Variants in KIAA1217 observed in about 807,000 individuals in gnomAD.
KIAA1217 encodes KIAA1217, also known as sickle tail protein homolog.
A neutral mutation model predicts 163.9 loss-of-function variants in KIAA1217; 88 were observed. The observed-to-expected ratio is 0.54, with a 90% confidence interval of 0.45 to 0.64. The LOEUF (loss-of-function observed/expected upper bound fraction) is 0.64, where lower values mean the gene tolerates loss of function less well. KIAA1217 is among the 30% of genes least tolerant of loss of function. The pLI is 0.00. For missense variants in KIAA1217, 2,372 were observed against 2,475.0 expected, an observed-to-expected ratio of 0.96 and a Z score of 0.88; for synonymous variants, 903 against 923.1, an observed-to-expected ratio of 0.98 and a Z score of 0.39.
intron 9 of KIAA1217, among the ~76,000 whole-genome samples, chr10:24,502,429 A>G (rs2067781161): frequency 6.6e-6 from 1 of 152,130 alleles, no homozygotes; most frequent in Admixed American, 6.5e-5. Flanking sequence ...GTTAAGGAAT[A>G]TATAAACTCT....
At chr10:24,402,193 G>GTT (rs2056601408) in intron 3 of KIAA1217, among the ~76,000 whole-genome samples, 1 of 152,086 alleles carries the variant, frequency 6.6e-6, no homozygotes, top group Non-Finnish European at 1.5e-5. Flanking sequence ...AAACAAGCTT[G>GTT]TTCTAAAATT....
chr10:24,274,698 C>CT (rs1408518714), intron 2 of KIAA1217, among the ~76,000 whole-genome samples: 2 of 151,864 alleles, frequency 1.3e-5, no homozygotes, highest in African/African-American at 2.4e-5. Flanking sequence ...CTTTGGTTAC[C>CT]TTTTTATCAA....
At chr10:24,189,823 CG>C (rs967595165) in intron 2 of KIAA1217, among the ~76,000 whole-genome samples, 2 of 151,912 alleles carry the variant, frequency 1.3e-5, no homozygotes, top group Non-Finnish European at 2.9e-5. Context: ...TGAGACCAGC[CG>C]GGGCAGCCTA....
chr10:23,773,151 A>G (rs1243023366), intron 1 of KIAA1217, among the ~76,000 whole-genome samples: 3 of 152,220 alleles, frequency 2.0e-5, no homozygotes, highest in Non-Finnish European at 4.4e-5. Flanking sequence ...TTCATTAATG[A>G]TTATCTTCAT....
At chr10:24,370,108 A>G (rs1313288462) in intron 2 of KIAA1217, among the ~76,000 whole-genome samples, 2 of 152,002 alleles carry the variant, frequency 1.3e-5, no homozygotes, top group Non-Finnish European at 2.9e-5. Flanking sequence ...TACTACAAAT[A>G]TAAAAACTTA....
chr10:24,349,983 T>C (rs2048258328), intron 2 of KIAA1217, among the ~76,000 whole-genome samples: 1 of 152,182 alleles, frequency 6.6e-6, no homozygotes, highest in Admixed American at 6.5e-5. Context: ...AATAGAATCC[T>C]GGTCCTGGAG....
At chr10:24,071,986 A>G (rs903511574) in intron 2 of KIAA1217, among the ~76,000 whole-genome samples, 2 of 152,140 alleles carry the variant, frequency 1.3e-5, no homozygotes, top group Admixed American at 6.6e-5. Flanking sequence ...TTTATTTTTT[A>G]TGACTGTTAC....
At chr10:24,252,453 A>C (rs1590237689) in intron 2 of KIAA1217, among the ~76,000 whole-genome samples, 1 of 151,934 alleles carries the variant, frequency 6.6e-6, no homozygotes, top group Admixed American at 6.6e-5. Flanking sequence ...GCTGGCACAC[A>C]CCTGTGGTCC....
intron 2 of KIAA1217, among the ~76,000 whole-genome samples, chr10:24,372,502 C>CA (rs1280189133): frequency 2.6e-5 from 4 of 151,808 alleles, no homozygotes; most frequent in Admixed American, 6.6e-5. Flanking sequence ...TTCAGTTTAT[C>CA]AAAAAAAATA....
chr10:24,316,589 C>A (rs141433929), intron 2 of KIAA1217, among the ~76,000 whole-genome samples: 3 of 152,114 alleles, frequency 2.0e-5, no homozygotes, highest in African/African-American at 7.2e-5. Context: ...ACTAGGAACA[C>A]GAAAATGGTT....
chr10:23,929,315 T>A (rs12241701), intron 1 of KIAA1217, among the ~76,000 whole-genome samples: 1 of 152,048 alleles, frequency 6.6e-6, no homozygotes, highest in African/African-American at 2.4e-5. Flanking sequence ...TTTTATTTTA[T>A]TTTTTATTTT....
rs2066836620 is a variant in KIAA1217, at chr10:24,193,730, T to G, written c.-170-25896T>G. On this transcript the variant is annotated intron_variant, in intron 2 of 18. Coordinates refer to the KIAA1217 transcript ENST00000376462. ...TGAGGAAAGTGCTCAGTTCTTAACATTTGACAGTTAGAGCAGATCACAGTA... is the reference window on the plus strand; with the variant it reads ...TGAGGAAAGTGCTCAGTTCTTAACAGTTGACAGTTAGAGCAGATCACAGTA... 2.0e-5 allele frequency among the ~76,000 whole-genome samples: 3 copies of G among 151,940 alleles called. No homozygotes were observed. The South Asian group carries it at 6.2e-4, about 32-fold the overall frequency.
At chr10:24,282,343 G>T (rs2078043815) in intron 2 of KIAA1217, among the ~76,000 whole-genome samples, 1 of 151,794 alleles carries the variant, frequency 6.6e-6, no homozygotes, top group Admixed American at 6.6e-5. Flanking sequence ...TTTCTATGTT[G>T]TCTTCTTTGG....
chr10:23,896,833 G>A (rs867994559), intron 1 of KIAA1217, among the ~76,000 whole-genome samples: 28 of 151,960 alleles, frequency 1.8e-4, no homozygotes, highest in African/African-American at 6.5e-4. Context: ...ACAAAGTTGA[G>A]GCAAGTGAAA....
At chr10:24,141,642 C>T (rs533674686) in intron 2 of KIAA1217, among the ~76,000 whole-genome samples, 2 of 152,086 alleles carry the variant, frequency 1.3e-5, no homozygotes, top group Non-Finnish European at 2.9e-5. Context: ...GGCCACTGGA[C>T]GAAGATCACA....
chr10:23,755,216 C>T (rs11816002), intron 1 of KIAA1217, among the ~76,000 whole-genome samples: 4,028 of 152,228 alleles, frequency 0.026, 178 homozygotes, highest in African/African-American at 0.089. Context: ...GAGAAGATAA[C>T]TTAGATCTTT....
At chr10:23,909,372 T>A (rs545757854) in intron 1 of KIAA1217, among the ~76,000 whole-genome samples, 2 of 151,506 alleles carry the variant, frequency 1.3e-5, no homozygotes, top group Admixed American at 6.6e-5. Context: ...AATTAAAAAA[T>A]AATAAAAATA....
At chr10:23,935,441 CA>C (rs1843485987) in intron 1 of KIAA1217, among the ~76,000 whole-genome samples, 1 of 152,296 alleles carries the variant, frequency 6.6e-6, no homozygotes, top group East Asian at 1.9e-4. Flanking sequence ...ACTCACTCGA[CA>C]TTTATCGGCT....
intron 2 of KIAA1217, among the ~76,000 whole-genome samples, chr10:24,287,712 C>A (rs2078683286): frequency 6.6e-6 from 1 of 152,070 alleles, no homozygotes; most frequent in Non-Finnish European, 1.5e-5. Context: ...AGAATATTTG[C>A]TTTGCTCATA....
Sources: allele counts gnomAD v4.1 joint callset (sites outside exome capture counted in the v4.1 genomes callset), GRCh38; gene constraint gnomAD v4.1.1; transcripts MANE v1.5; gene names NCBI Gene and HGNC (gene_info 2026-07-23, HGNC 2026-07-21).